SLC44A1: variants seen among roughly 807,000 people sequenced by gnomAD.
The protein encoded by SLC44A1 is solute carrier family 44 member 1, also known as choline transporter-like protein 1.
Under a neutral mutation model 79.3 loss-of-function variants are expected in SLC44A1, and 26 were observed. That is an observed-to-expected ratio of 0.33 (90% CI 0.24 to 0.46). The LOEUF (loss-of-function observed/expected upper bound fraction) is 0.46. Ranked by LOEUF, SLC44A1 falls within the 20% of genes least tolerant of loss-of-function variation. The pLI, the probability that SLC44A1 is intolerant of heterozygous loss-of-function variation, is 1.00. For missense variants in SLC44A1, 688 were observed against 798.1 expected (o/e 0.86, Z 1.66); for synonymous variants, 263 against 286.2 (o/e 0.92, Z 0.82).
intron 13 of SLC44A1, 52 bp downstream of exon 13, chr9:105,374,787 A>G (rs2131443540): frequency 7.0e-7 from 1 of 1,428,416 alleles, no homozygotes; most frequent in Non-Finnish European, 9.7e-7. Flanking sequence ...GCATATATTT[A>G]TTTGCTCTTT....
chr9:105,285,978 G>A (rs977615151), intron 1 of SLC44A1, among the ~76,000 whole-genome samples: 3 of 152,300 alleles, frequency 2.0e-5, no homozygotes, highest in East Asian at 1.9e-4. Flanking sequence ...GCATGTGCCC[G>A]TGGTCCCAGC....
chr9:105,395,252 C>G lies in SLC44A1; in HGVS notation c.*6196C>G, dbSNP rs377010393. Reference sequence around the variant, plus strand: ...GGTGTTTTTTTGAGACGGAGTCTCGCTCTATCGCCAGCTTAGAGTGCAGTG... The same window carrying G: ...GGTGTTTTTTTGAGACGGAGTCTCGGTCTATCGCCAGCTTAGAGTGCAGTG... On this transcript the variant is annotated 3_prime_UTR_variant, in exon 16 of 16. Transcript: ENST00000374720. 6.0e-5 allele frequency: 55 copies of G among 911,566 alleles called. No individual in the cohort carries two copies. In the African/African-American group the frequency reaches 9.3e-4, roughly 15 times the overall value. The allele number at this position is 911,566 out of a possible 1,614,324, so 56.5% of individuals were successfully genotyped here.
chr9:105,436,783 A>G (rs1447669106), intron 15 of SLC44A1, among the ~76,000 whole-genome samples: 6 of 152,192 alleles, frequency 3.9e-5, no homozygotes. Flanking sequence ...AATAAGTGGC[A>G]CGTACTAAAA....
intron 3 of SLC44A1, among the ~76,000 whole-genome samples, chr9:105,310,762 G>A (rs1014624815): frequency 3.3e-5 from 5 of 152,196 alleles, no homozygotes; most frequent in African/African-American, 7.2e-5. Flanking sequence ...CTAGTGGGAA[G>A]TATAAGATTA....
chr9:105,244,697 T>G lies in SLC44A1; in HGVS notation c.-172T>G. On this transcript the variant is annotated 5_prime_UTR_variant, in exon 1 of 16. Transcript: ENST00000374720. The stretch of plus-strand genomic sequence containing the variant: ...GCCGCCGGGGGATGTGGCCGGCGCC[T>G]GCCTCTAGCCGCGCCGCCTCTTGAG... 3.4e-6 allele frequency: 1 copy of G among 294,912 alleles called. No homozygotes were observed. The allele number at this position is 294,912 out of a possible 1,614,324, so 18.3% of individuals were successfully genotyped here.
At chr9:105,387,060 A>AAAAATATATATATAT (rs34780893) in intron 15 of SLC44A1, among the ~76,000 whole-genome samples, 1 of 7,730 alleles carries the variant, frequency 1.3e-4, no homozygotes, top group African/African-American at 4.1e-4. Flanking sequence ...AAAAAAAAAA[A>AAAAATATATATATAT]ATATATATAT....
chr9:105,323,215 CA>C (rs575818228), intron 3 of SLC44A1, among the ~76,000 whole-genome samples: 14,270 of 76,500 alleles, frequency 0.19, 526 homozygotes, highest in Non-Finnish European at 0.27. Flanking sequence ...AACTCCATCT[CA>C]AAAAAAAAAA....
In SLC44A1 at chr9:105,252,207, A is replaced by G. The variant is rs191573751; in HGVS notation, c.36+7303A>G. 3.1e-3 allele frequency among the ~76,000 whole-genome samples: 469 copies of G among 152,320 alleles called. 2 individuals are homozygous for G. The highest frequency in any genetic ancestry group is 5.6e-3 in the South Asian group (27 of 4,824). ...GACAGAGGCCTTATGGCCTGCAAGC[A>G]TAAATATTTACTCTGTGTCCCTTTA... On this transcript the variant is annotated intron_variant, in intron 1 of 15. Coordinates refer to ENST00000374720, the MANE Select transcript of SLC44A1 (RefSeq NM_080546.5).
chr9:105,365,507 A>G lies in SLC44A1; in HGVS notation c.1278A>G (p.Thr426=), dbSNP rs1241335726. 6.2e-7 allele frequency: 1 copy of G among 1,612,762 alleles called. No individual in the cohort carries two copies. The highest frequency in any genetic ancestry group is 1.7e-5 in the Admixed American group (1 of 59,898). The part of the protein sequence containing the change: ...FTRDKRNLPF[T]PILASVNRLI... ...GGGATAAAAGGAATTTGCCATTTAC[A>G]CCTATTTTGGCATCAGTAAATCGCC... Residue 426 remains threonine, a synonymous_variant, in exon 11 of 16, where the codon ACA becomes ACG. Coordinates refer to ENST00000374720, the MANE Select transcript of SLC44A1 (RefSeq NM_080546.5).
chr9:105,245,663 T>C (rs1257823362), intron 1 of SLC44A1, among the ~76,000 whole-genome samples: 5 of 152,194 alleles, frequency 3.3e-5, no homozygotes, highest in Admixed American at 3.3e-4. Context: ...TTGTTGCCAG[T>C]GTAACAGGAG....
Position 105,336,806 on chromosome 9 carries a change from T to A in SLC44A1, c.406+1107T>A, listed in dbSNP as rs190451599. ...GCAGTATCCCTGTTCCGTTGTTCCA[T>A]GCCCTCAGCATAGGATAACATGGGT... is the stretch of plus-strand genomic sequence containing the variant. On this transcript the variant is annotated intron_variant, in intron 4 of 15. Transcript: ENST00000374720. Among the ~76,000 whole-genome samples, 9 of 152,330 alleles carry A rather than the reference T, an allele frequency of 5.9e-5. No homozygotes were observed. The East Asian group carries it at 1.5e-3, about 26-fold the overall frequency.
chr9:105,432,015 T>A (rs1234219576), intron 15 of SLC44A1, among the ~76,000 whole-genome samples: 1 of 152,224 alleles, frequency 6.6e-6, no homozygotes, highest in Non-Finnish European at 1.5e-5. Context: ...CTCTGCTTCC[T>A]GGGTTCAGCA....
Position 105,383,198 on chromosome 9 carries a change from C to G in SLC44A1, c.1708C>G (p.Leu570Val). The G allele has an allele frequency of 6.2e-7, 1 of 1,614,158 alleles. No homozygotes were observed. Among genetic ancestry groups the G allele is most frequent in the African/African-American group, 1.3e-5 (1 of 75,044 alleles). ...NYQQDYTVWV[L>V]PLIIVCLFAF... ...CCAGCAGGACTACACAGTATGGGTGCTGCCTCTGATCATCGTCTGCCTCTT... is the reference window on the plus strand; with the variant it reads ...CCAGCAGGACTACACAGTATGGGTGGTGCCTCTGATCATCGTCTGCCTCTT... The change falls in exon 14 of 16, where the codon CTG (leucine) becomes GTG (valine). Residue 570 changes from leucine to valine, a missense_variant. Physicochemically the swap from Leu to Val is conservative, Grantham distance 32. Transcript: ENST00000374720.
At chr9:105,271,067 C>G (rs909654555) in intron 1 of SLC44A1, among the ~76,000 whole-genome samples, 6 of 152,216 alleles carry the variant, frequency 3.9e-5, no homozygotes, top group Admixed American at 2.6e-4. Flanking sequence ...AACTTTCACA[C>G]GCTTCTTTCC....
In SLC44A1 at chr9:105,272,457, C is replaced by T. The variant is rs1588718861; in HGVS notation, c.37-26763C>T. ...GCTATGCAGAGGCATGTTCTTGTAC[C>T]TCCTTCCAATCAGAGAACTGCGTGT... is the stretch of plus-strand genomic sequence containing the variant. On this transcript the variant is annotated intron_variant, in intron 1 of 15. Transcript: ENST00000374720. 2.6e-5 allele frequency among the ~76,000 whole-genome samples: 4 copies of T among 151,974 alleles called. No homozygotes were observed. The South Asian group carries it at 6.2e-4, about 24-fold the overall frequency.
chr9:105,435,232 C>A (rs1231004232), intron 15 of SLC44A1, among the ~76,000 whole-genome samples: 1 of 151,082 alleles, frequency 6.6e-6, no homozygotes, highest in African/African-American at 2.4e-5. Flanking sequence ...CTGAAAAGGA[C>A]ATCAGAGAAA....
chr9:105,403,959 G>A (rs1231339735), intron 15 of SLC44A1, among the ~76,000 whole-genome samples: 3 of 151,800 alleles, frequency 2.0e-5, no homozygotes, highest in South Asian at 2.1e-4. Context: ...TTAACCAAAG[G>A]AATGTTTGGA....
At chr9:105,267,620 T>G (rs1829990968) in intron 1 of SLC44A1, among the ~76,000 whole-genome samples, 1 of 152,246 alleles carries the variant, frequency 6.6e-6, no homozygotes, top group South Asian at 2.1e-4. Context: ...TTCAGTATTC[T>G]TTTTTGTTTT....
chr9:105,432,810 C>T (rs1829413719), intron 15 of SLC44A1, among the ~76,000 whole-genome samples: 1 of 152,122 alleles, frequency 6.6e-6, no homozygotes, highest in Non-Finnish European at 1.5e-5. Flanking sequence ...TTACATTATT[C>T]CTTTTTAAGT....
Sources: gnomAD v4.1 joint callset for allele counts (sites outside exome capture counted in the v4.1 genomes callset) on GRCh38, gnomAD v4.1.1 for gene constraint, MANE v1.5 for transcripts, NCBI Gene and HGNC (gene_info 2026-07-23, HGNC 2026-07-21) for gene names.